The following CIMIP2C variants were observed in gnomAD, a reference collection of about 807,000 sequenced individuals.
CIMIP2C encodes the protein ciliary microtubule inner protein 2C.
the CIMIP2C span, among the ~76,000 whole-genome samples, chr2:26,571,701 C>T: frequency 1.3e-5 from 2 of 152,112 alleles, no homozygotes; most frequent in African/African-American, 4.8e-5. Context: ...ACGTTTGGTG[C>T]ATTTTATTCA....
the CIMIP2C span, chr2:26,562,895 T>C: frequency 5.3e-6 from 3 of 569,408 alleles, no homozygotes; most frequent in Non-Finnish European, 6.2e-6. Flanking sequence ...CAGATTCCCC[T>C]TCACAGGAAG....
the CIMIP2C span, among the ~76,000 whole-genome samples, chr2:26,570,514 G>A: frequency 6.6e-6 from 1 of 152,242 alleles, no homozygotes; most frequent in Non-Finnish European, 1.5e-5. Context: ...GTGTGGACTT[G>A]AGGATGATAG....
the CIMIP2C span, among the ~76,000 whole-genome samples, chr2:26,563,838 AG>A: frequency 6.6e-6 from 1 of 152,220 alleles, no homozygotes; most frequent in Non-Finnish European, 1.5e-5. Flanking sequence ...AGTAGCAACC[AG>A]GGGCTGGTGC....
At chr2:26,578,817 G>A in the CIMIP2C span, 1 of 471,254 alleles carries the variant, frequency 2.1e-6, no homozygotes, top group East Asian at 6.9e-5. Flanking sequence ...GTTTCACAAC[G>A]AACGCAAAGG....
the CIMIP2C span, chr2:26,576,327 T>G: frequency 1.0e-6 from 1 of 1,004,986 alleles, no homozygotes; most frequent in African/African-American, 1.6e-5. Context: ...GCAGAGAGCA[T>G]GGTGGGCTTG....
the CIMIP2C span, chr2:26,577,805 A>AG: frequency 1.8e-6 from 1 of 545,970 alleles, no homozygotes; most frequent in Non-Finnish European, 3.2e-6. Flanking sequence ...TGGCAGCCTC[A>AG]GGGGGGATGG....
At chr2:26,572,725 G>A in the CIMIP2C span, among the ~76,000 whole-genome samples, 4 of 152,216 alleles carry the variant, frequency 2.6e-5, no homozygotes, top group African/African-American at 9.6e-5. Context: ...CGCTGGGGCC[G>A]GCCTCCTCCC....
At chr2:26,577,075 C>A in the CIMIP2C span, among the ~76,000 whole-genome samples, 1 of 152,200 alleles carries the variant, frequency 6.6e-6, no homozygotes, top group Non-Finnish European at 1.5e-5. Flanking sequence ...CCATGTGCGA[C>A]CATCTCAGGG....
chr2:26,578,858 G>A, the CIMIP2C span: 5 of 471,682 alleles, frequency 1.1e-5, no homozygotes, highest in Non-Finnish European at 2.2e-5. Flanking sequence ...AAGAGGGTCA[G>A]TGACAGGCCT....
At chr2:26,562,653 A>G in the CIMIP2C span, 2 of 1,586,038 alleles carry the variant, frequency 1.3e-6, no homozygotes, top group Non-Finnish European at 8.6e-7. Context: ...ACCGAGTTCA[A>G]TGCCGCCTAC....
At chr2:26,574,279 C>T in the CIMIP2C span, among the ~76,000 whole-genome samples, 1 of 152,310 alleles carries the variant, frequency 6.6e-6, no homozygotes, top group Admixed American at 6.5e-5. Flanking sequence ...GAAGGGATTG[C>T]AGGGGCAGGG....
chr2:26,565,139 G>T, the CIMIP2C span, among the ~76,000 whole-genome samples: 3 of 150,026 alleles, frequency 2.0e-5, no homozygotes, highest in Admixed American at 1.3e-4. Flanking sequence ...GCCCAGGCTG[G>T]AGTGCAATGG....
the CIMIP2C span, among the ~76,000 whole-genome samples, chr2:26,566,415 A>G: frequency 1.3e-5 from 2 of 152,220 alleles, no homozygotes; most frequent in South Asian, 2.1e-4. Context: ...ATCCCTGTAC[A>G]GCAAACACAC....
the CIMIP2C span, chr2:26,578,768 C>T: frequency 2.1e-6 from 1 of 471,070 alleles, no homozygotes; most frequent in African/African-American, 2.0e-5. Context: ...AACTCTGTTC[C>T]TTCTTCAGGT....
At chr2:26,571,394 C>G in the CIMIP2C span, among the ~76,000 whole-genome samples, 1 of 152,166 alleles carries the variant, frequency 6.6e-6, no homozygotes, top group Non-Finnish European at 1.5e-5. Flanking sequence ...AGCACTAGAA[C>G]CTTGACCATG....
the CIMIP2C span, among the ~76,000 whole-genome samples, chr2:26,569,031 A>T: frequency 3.4e-5 from 5 of 147,924 alleles, no homozygotes; most frequent in Non-Finnish European, 7.5e-5. Flanking sequence ...AAAAAAAAAA[A>T]GAAAAGAAAA....
At chr2:26,570,868 C>T in the CIMIP2C span, among the ~76,000 whole-genome samples, 1 of 152,114 alleles carries the variant, frequency 6.6e-6, no homozygotes, top group Admixed American at 6.5e-5. Flanking sequence ...AGGCTCGCAG[C>T]AGTGGGATGG....
the CIMIP2C span, chr2:26,576,090 C>T: frequency 2.5e-6 from 4 of 1,614,202 alleles, no homozygotes; most frequent in Non-Finnish European, 3.4e-6. Flanking sequence ...CGCGCCAGCA[C>T]CCGGGACCGC....
the CIMIP2C span, among the ~76,000 whole-genome samples, chr2:26,569,871 C>T: frequency 6.6e-6 from 1 of 152,220 alleles, no homozygotes; most frequent in Non-Finnish European, 1.5e-5. Flanking sequence ...TGCCATTCCC[C>T]TCTGTTCCTC....
Sources: gnomAD v4.1 joint callset for allele counts (sites outside exome capture counted in the v4.1 genomes callset) on GRCh38, gnomAD v4.1.1 for gene constraint, MANE v1.5 for transcripts, NCBI Gene and HGNC (gene_info 2026-07-23, HGNC 2026-07-21) for gene names.